Variants in KCND2 observed in about 807,000 individuals in gnomAD.
The protein encoded by KCND2 is potassium voltage-gated channel subfamily D member 2, also known as A-type voltage-gated potassium channel KCND2.
A neutral mutation model predicts 54.4 loss-of-function variants in KCND2; 16 were observed. That is an observed-to-expected ratio of 0.29 (90% CI 0.20 to 0.45). The LOEUF (loss-of-function observed/expected upper bound fraction) is 0.45, where lower values mean the gene tolerates loss of function less well. Ranked by LOEUF, KCND2 falls within the 20% of genes least tolerant of loss-of-function variation. The pLI, the probability that KCND2 is intolerant of heterozygous loss-of-function variation, is 1.00. For synonymous variants in KCND2, 317 were observed against 310.7 expected (o/e 1.02, Z -0.21); for missense variants, 486 against 824.2 (o/e 0.59, Z 5.02).
At chr7:120,559,922 G>A (rs189518751) in intron 1 of KCND2, among the ~76,000 whole-genome samples, 32 of 152,216 alleles carry the variant, frequency 2.1e-4, no homozygotes, top group South Asian at 1.2e-3. Context: ...GAAATCCACC[G>A]TCCTTTGGAG....
At chr7:120,372,300 A>G (rs1272362221) in intron 1 of KCND2, among the ~76,000 whole-genome samples, 1 of 151,822 alleles carries the variant, frequency 6.6e-6, no homozygotes, top group Non-Finnish European at 1.5e-5. Context: ...ATTCCTCGAC[A>G]CTGCTCCACT....
chr7:120,379,413 A>G (rs1480832697), intron 1 of KCND2, among the ~76,000 whole-genome samples: 1 of 152,072 alleles, frequency 6.6e-6, no homozygotes, highest in African/African-American at 2.4e-5. Flanking sequence ...TTTAAATTCC[A>G]TAACCCTAGC....
intron 1 of KCND2, among the ~76,000 whole-genome samples, chr7:120,526,970 CACA>C (rs1324637530): frequency 6.6e-6 from 1 of 152,052 alleles, no homozygotes; most frequent in Non-Finnish European, 1.5e-5. Context: ...ATTCAATAAT[CACA>C]ACAATGGATC....
In KCND2 at chr7:120,329,265, G is replaced by A. The variant is rs542716042; in HGVS notation, c.1115+53518G>A. On this transcript the variant is annotated intron_variant, in intron 1 of 5. Transcript: ENST00000331113. ...GCCTCCCGAGTAGCTGGGATTACAGGTGCCCACCACCATGCCCAGCTAATT... is the reference window on the plus strand; with the variant it reads ...GCCTCCCGAGTAGCTGGGATTACAGATGCCCACCACCATGCCCAGCTAATT... Among the ~76,000 whole-genome samples, 158 of 151,936 alleles carry A rather than the reference G, an allele frequency of 1.0e-3. 1 individual carries two copies. The highest frequency in any genetic ancestry group is 3.7e-3 in the African/African-American group (155 of 41,454).
At chr7:120,373,280 A>G (rs1309376202) in intron 1 of KCND2, among the ~76,000 whole-genome samples, 2 of 151,838 alleles carry the variant, frequency 1.3e-5, no homozygotes, top group African/African-American at 2.4e-5. Flanking sequence ...GAATACAATA[A>G]TCTTCTCTCT....
chr7:120,722,223 C>G (rs535602043), intron 1 of KCND2, among the ~76,000 whole-genome samples: 1 of 152,176 alleles, frequency 6.6e-6, no homozygotes, highest in South Asian at 2.1e-4. Context: ...CAAGCTGGCC[C>G]TGTGCTTCCA....
chr7:120,565,642 G>C lies in KCND2; in HGVS notation c.1116-167261G>C, dbSNP rs538414199. Among the ~76,000 whole-genome samples the C allele has an allele frequency of 2.4e-4, 36 of 152,288 alleles. No individual in the cohort carries two copies. In the South Asian group the frequency reaches 7.3e-3, roughly 31 times the overall value. ...AGTCATAGTCCATTCTCTGGACACA[G>C]AGATTCCATGGTTTTTAAAATAAAG... On this transcript the variant is annotated intron_variant, in intron 1 of 5. Transcript: ENST00000331113.
At chr7:120,555,295 G>A (rs1792150378) in intron 1 of KCND2, among the ~76,000 whole-genome samples, 1 of 152,180 alleles carries the variant, frequency 6.6e-6, no homozygotes. Context: ...AATCTGGGGA[G>A]ACAAACATAT....
At chr7:120,732,530 T>C (rs1175155759) in intron 1 of KCND2, among the ~76,000 whole-genome samples, 2 of 152,120 alleles carry the variant, frequency 1.3e-5, no homozygotes, top group Non-Finnish European at 2.9e-5. Flanking sequence ...AAAAACTAAG[T>C]GGAAAATTGT....
At chr7:120,347,088 A>G (rs1339788747) in intron 1 of KCND2, among the ~76,000 whole-genome samples, 1 of 152,120 alleles carries the variant, frequency 6.6e-6, no homozygotes, top group Admixed American at 6.5e-5. Context: ...TTACCTTAAC[A>G]GTTAAGCCAG....
intron 1 of KCND2, among the ~76,000 whole-genome samples, chr7:120,554,575 A>T (rs1326963295): frequency 2.6e-5 from 4 of 151,852 alleles, no homozygotes; most frequent in Non-Finnish European, 5.9e-5. Flanking sequence ...CTACTGGCTA[A>T]TTTTTTGTAT....
intron 1 of KCND2, among the ~76,000 whole-genome samples, chr7:120,392,434 T>G (rs1392438970): frequency 6.6e-6 from 1 of 151,602 alleles, no homozygotes; most frequent in East Asian, 1.9e-4. Flanking sequence ...AAAGTAGTTT[T>G]TTTTGTTTTT....
chr7:120,393,847 T>G (rs1038012448), intron 1 of KCND2, among the ~76,000 whole-genome samples: 1 of 151,998 alleles, frequency 6.6e-6, no homozygotes, highest in Non-Finnish European at 1.5e-5. Flanking sequence ...AGCAATCCAA[T>G]GACAAAATTC....
chr7:120,405,495 C>T (rs1801337919), intron 1 of KCND2, among the ~76,000 whole-genome samples: 1 of 152,088 alleles, frequency 6.6e-6, no homozygotes, highest in Non-Finnish European at 1.5e-5. Context: ...ATGTCTTATT[C>T]TGATGACTTG....
intron 1 of KCND2, among the ~76,000 whole-genome samples, chr7:120,393,821 C>T (rs1267992133): frequency 6.6e-6 from 1 of 151,870 alleles, no homozygotes; most frequent in Non-Finnish European, 1.5e-5. Context: ...AAAATATTTG[C>T]AGTTCTATTG....
At chr7:120,392,877 C>A (rs1801098739) in intron 1 of KCND2, among the ~76,000 whole-genome samples, 1 of 151,926 alleles carries the variant, frequency 6.6e-6, no homozygotes, top group Non-Finnish European at 1.5e-5. Context: ...ACTATTATCC[C>A]TAAACTATCC....
At chr7:120,386,679 A>G (rs1584757232) in intron 1 of KCND2, among the ~76,000 whole-genome samples, 2 of 152,220 alleles carry the variant, frequency 1.3e-5, no homozygotes, top group East Asian at 1.9e-4. Context: ...TTCATCACAT[A>G]TGTATTCTAC....
intron 1 of KCND2, among the ~76,000 whole-genome samples, chr7:120,558,673 G>C (rs528276829): frequency 1.3e-5 from 2 of 152,226 alleles, no homozygotes; most frequent in Non-Finnish European, 2.9e-5. Context: ...TGAGTCAGCT[G>C]TTCCCTCTCT....
At chr7:120,718,979 C>G (rs989787482) in intron 1 of KCND2, among the ~76,000 whole-genome samples, 1 of 151,944 alleles carries the variant, frequency 6.6e-6, no homozygotes. Flanking sequence ...ACTGGAAGAT[C>G]CTTTTGGGGT....
Sources: allele counts gnomAD v4.1 joint callset (sites outside exome capture counted in the v4.1 genomes callset), GRCh38; gene constraint gnomAD v4.1.1; transcripts MANE v1.5; gene names NCBI Gene and HGNC (gene_info 2026-07-23, HGNC 2026-07-21).